The following TMEM255B variants were observed in gnomAD, a reference collection of about 807,000 sequenced individuals.
TMEM255B encodes family with sequence similarity 70, member B.
Under a neutral mutation model 34.5 loss-of-function variants are expected in TMEM255B, and 35 were observed. The ratio of observed to expected loss-of-function variants is 1.01; its 90% CI spans 0.77 to 1.34. The LOEUF is 1.34. Ranked by LOEUF, TMEM255B falls within the 40% of genes most tolerant of loss-of-function variation. The pLI, the probability that TMEM255B is intolerant of heterozygous loss-of-function variation, is 0.00. For missense variants in TMEM255B, 432 were observed against 433.2 expected (o/e 1.00, Z 0.02); for synonymous variants, 206 against 201.2 (o/e 1.02, Z -0.20).
chr13:113,809,117 A>G (rs1335714779), intron 8 of TMEM255B, among the ~76,000 whole-genome samples: 3 of 74,648 alleles, frequency 4.0e-5, no homozygotes, highest in African/African-American at 1.6e-4. Context: ...CGGGGGCTTA[A>G]CTCTGTGGTT....
intron 3 of TMEM255B, among the ~76,000 whole-genome samples, chr13:113,787,840 G>A (rs2050768941): frequency 6.6e-6 from 1 of 150,824 alleles, no homozygotes; most frequent in South Asian, 2.1e-4. Context: ...ACCTTGGGAG[G>A]GGCAGATTTG....
intron 3 of TMEM255B, among the ~76,000 whole-genome samples, chr13:113,782,142 T>G (rs920235401): frequency 6.6e-6 from 1 of 152,232 alleles, no homozygotes; most frequent in East Asian, 1.9e-4. Flanking sequence ...AGCAACAGTC[T>G]TTACAACTTT....
In TMEM255B at chr13:113,806,610, G is replaced by A. The variant is rs555527071; in HGVS notation, c.813+1582G>A. 1.6e-4 allele frequency among the ~76,000 whole-genome samples: 24 copies of A among 152,266 alleles called. No homozygotes were observed. The highest frequency in any genetic ancestry group is 3.4e-4 in the African/African-American group (14 of 41,560). ...TCAGATGGCGGGAGCTTTTGCCAGC[G>A]ACCCTGCAGTGGTCACTCCTGCAGG... On this transcript the variant is annotated intron_variant, in intron 8 of 8. Coordinates refer to ENST00000375353, the MANE Select transcript of TMEM255B (RefSeq NM_182614.4). This position sits in a 1 kb window ranked among gnomAD's most constrained non-coding sequence, Gnocchi z 4.2.
chr13:113,786,344 ACT>A (rs1185896545), intron 3 of TMEM255B, among the ~76,000 whole-genome samples: 1 of 151,470 alleles, frequency 6.6e-6, no homozygotes, highest in Non-Finnish European at 1.5e-5. Context: ...CATCACCATC[ACT>A]GTCGTCACTG....
chr13:113,795,868 TACACAGC>T (rs1418744096), intron 4 of TMEM255B, among the ~76,000 whole-genome samples: 1 of 41,124 alleles, frequency 2.4e-5, no homozygotes, highest in African/African-American at 1.0e-4. Flanking sequence ...ACCATAAGAG[TACACAGC>T]ACACAACACA....
intron 1 of TMEM255B, among the ~76,000 whole-genome samples, chr13:113,759,652 G>A (rs1218260460): frequency 6.6e-6 from 1 of 152,044 alleles, no homozygotes; most frequent in Admixed American, 6.5e-5. Context: ...TCCCTGTTAC[G>A]TTTTATTATG....
intron 3 of TMEM255B, among the ~76,000 whole-genome samples, chr13:113,793,965 A>G (rs2050876163): frequency 6.6e-6 from 1 of 152,174 alleles, no homozygotes; most frequent in African/African-American, 2.4e-5. Flanking sequence ...GCCTGATGGG[A>G]ATGCGTCCCA....
chr13:113,782,073 A>G (rs1399737525), intron 3 of TMEM255B, among the ~76,000 whole-genome samples: 1 of 152,250 alleles, frequency 6.6e-6, no homozygotes, highest in African/African-American at 2.4e-5. Flanking sequence ...TAATAAACCT[A>G]ATATTTGACC....
chr13:113,765,193 C>T (rs2050369334), intron 1 of TMEM255B, among the ~76,000 whole-genome samples: 1 of 152,214 alleles, frequency 6.6e-6, no homozygotes. Flanking sequence ...AGGCCGTGAC[C>T]AAGGCCACGC....
chr13:113,816,921 T>C lies in TMEM255B; in HGVS notation c.*5018T>C, dbSNP rs12860172. 0.53 allele frequency: 80,636 copies of C among 152,038 alleles called. 23,778 individuals are homozygous for C. The highest frequency in any genetic ancestry group is 0.8 in the African/African-American group (33,281 of 41,448). 9.4% of individuals were successfully genotyped at this position (152,038 alleles called of 1,614,324 possible). ...CTGTGGCTGGAGCTTCTCCTACAAA[T>C]GGGCTGTGCTGGGATTAGCCCGGCT... is the stretch of plus-strand genomic sequence containing the variant. On this transcript the variant is annotated 3_prime_UTR_variant, in exon 9 of 9. Transcript: ENST00000375353.
At chr13:113,807,968 T>C (rs186089892) in intron 8 of TMEM255B, among the ~76,000 whole-genome samples, 10 of 152,234 alleles carry the variant, frequency 6.6e-5, no homozygotes, top group Admixed American at 5.9e-4. Flanking sequence ...CCTCTTCCTC[T>C]GGGGAGGCCT....
At chr13:113,776,528 C>T (rs376484282) in intron 3 of TMEM255B, among the ~76,000 whole-genome samples, 59 of 152,358 alleles carry the variant, frequency 3.9e-4, no homozygotes, top group African/African-American at 1.3e-3. Flanking sequence ...GAGCTGTGCA[C>T]GTGACCCCAC....
intron 3 of TMEM255B, among the ~76,000 whole-genome samples, chr13:113,771,861 A>G (rs1324419184): frequency 6.6e-6 from 1 of 152,186 alleles, no homozygotes; most frequent in African/African-American, 2.4e-5. Context: ...TCTTTTGGGC[A>G]TGTACCTAGG....
At chr13:113,785,547 C>T (rs567419528) in intron 3 of TMEM255B, among the ~76,000 whole-genome samples, 3 of 152,340 alleles carry the variant, frequency 2.0e-5, no homozygotes, top group African/African-American at 7.2e-5. Flanking sequence ...GAAATAGACC[C>T]ACCGGAGGAG....
At chr13:113,803,871 C>T (rs2051110822) in intron 7 of TMEM255B, among the ~76,000 whole-genome samples, 1 of 16,510 alleles carries the variant, frequency 6.1e-5, no homozygotes, top group Non-Finnish European at 1.1e-4. Context: ...TCTGAGGACA[C>T]CTCAGGCCTG....
intron 4 of TMEM255B, 125 bp downstream of exon 4, chr13:113,795,362 G>T: frequency 1.0e-6 from 1 of 996,418 alleles, no homozygotes. Context: ...CACGCTGGGG[G>T]TTGCCAGTGA....
At chr13:113,773,453 G>C (rs2050508653) in intron 3 of TMEM255B, among the ~76,000 whole-genome samples, 1 of 152,210 alleles carries the variant, frequency 6.6e-6, no homozygotes, top group Non-Finnish European at 1.5e-5. Flanking sequence ...AAAACACATG[G>C]GTACTGGAAT....
chr13:113,807,811 G>A (rs1447719553), intron 8 of TMEM255B, among the ~76,000 whole-genome samples: 17 of 110,644 alleles, frequency 1.5e-4, no homozygotes, highest in South Asian at 3.4e-4. Context: ...TATCACAGGA[G>A]GGCTTACGGG....
At chr13:113,772,685 C>T (rs553595160) in intron 3 of TMEM255B, among the ~76,000 whole-genome samples, 1 of 152,346 alleles carries the variant, frequency 6.6e-6, no homozygotes, top group Non-Finnish European at 1.5e-5. Context: ...ATTGAATGGT[C>T]TTGGCACCCT....
Sources: gnomAD v4.1 joint callset for allele counts (sites outside exome capture counted in the v4.1 genomes callset) on GRCh38, gnomAD v4.1.1 for gene constraint, Gnocchi (gnomAD v3.1) non-coding constraint, MANE v1.5 for transcripts, NCBI Gene and HGNC (gene_info 2026-07-23, HGNC 2026-07-21) for gene names.